GSG1L: variants seen among roughly 807,000 people sequenced by gnomAD.
GSG1L encodes the protein germ cell-specific gene 1-like protein.
In GSG1L, 24 loss-of-function variants were observed where a neutral mutation model predicts 42.1. The observed-to-expected ratio is 0.57, with a 90% CI of 0.41 to 0.80. The LOEUF is 0.80. GSG1L is among the 30% of genes least tolerant of loss of function. GSG1L has a pLI of 0.00. For synonymous variants in GSG1L, 215 were observed against 203.5 expected (o/e 1.06, Z -0.48); for missense variants, 445 against 472.2 (o/e 0.94, Z 0.53).
Position 27,950,331 on chromosome 16 carries a change from C to T in GSG1L, c.397+12825G>A, listed in dbSNP as rs143580064. 2.6e-3 allele frequency among the ~76,000 whole-genome samples: 392 copies of T among 152,250 alleles called. 5 individuals carry two copies. Among genetic ancestry groups the T allele is most frequent in the African/African-American group, 9.3e-3 (386 of 41,540 alleles). On this transcript the variant is annotated intron_variant, in intron 2 of 6. Transcript: ENST00000447459. Reference sequence around the variant, plus strand: ...GATGCTCTGTGGAAGAGTGAGCAGGCAAGACTGCCCAAATACCTAATTACC... The same window carrying T: ...GATGCTCTGTGGAAGAGTGAGCAGGTAAGACTGCCCAAATACCTAATTACC...
At chr16:27,947,382 G>A (rs113812972) in intron 2 of GSG1L, among the ~76,000 whole-genome samples, 17 of 54,052 alleles carry the variant, frequency 3.1e-4, no homozygotes, top group African/African-American at 8.9e-4. Flanking sequence ...AAGAAAGAAA[G>A]AAAAAGAAAG....
At chr16:27,799,208 G>A (rs1421593458) in intron 6 of GSG1L, among the ~76,000 whole-genome samples, 2 of 151,148 alleles carry the variant, frequency 1.3e-5, no homozygotes, top group East Asian at 1.9e-4. Flanking sequence ...GTTCGAGACC[G>A]GCCTGGGCAA....
At chr16:27,897,943 A>G (rs1218007751) in intron 2 of GSG1L, among the ~76,000 whole-genome samples, 2 of 152,222 alleles carry the variant, frequency 1.3e-5, no homozygotes, top group Non-Finnish European at 2.9e-5. Context: ...ACGGCAGCCT[A>G]TGAAGCTGAT....
intron 1 of GSG1L, among the ~76,000 whole-genome samples, chr16:28,058,980 T>C (rs895233486): frequency 7.9e-5 from 12 of 152,088 alleles, no homozygotes; most frequent in Non-Finnish European, 1.6e-4. Flanking sequence ...CAGGATGAAC[T>C]GGGGAGTGGG....
intron 1 of GSG1L, among the ~76,000 whole-genome samples, chr16:27,999,491 T>A (rs1244070694): frequency 6.6e-6 from 1 of 152,198 alleles, no homozygotes; most frequent in African/African-American, 2.4e-5. Context: ...CAAAATACGA[T>A]TTTATGCATC....
chr16:28,008,105 T>C lies in GSG1L; in HGVS notation c.350-44902A>G, dbSNP rs114673771. ...TTGTTTGTTTTTGTTTTTTTAGAGA[T>C]TGAGTCTCTTGTCACCCAGGCTGGA... On this transcript the variant is annotated intron_variant, in intron 1 of 6. Transcript: ENST00000447459. Among the ~76,000 whole-genome samples the C allele has an allele frequency of 3.3e-5, 5 of 151,972 alleles. No homozygotes were observed. The South Asian group carries it at 1.0e-3, about 32-fold the overall frequency.
At chr16:27,907,110 C>G (rs1170457974) in intron 2 of GSG1L, among the ~76,000 whole-genome samples, 1 of 152,200 alleles carries the variant, frequency 6.6e-6, no homozygotes, top group East Asian at 1.9e-4. Context: ...CCAATCAGAG[C>G]TAGACCTGGG....
intron 2 of GSG1L, among the ~76,000 whole-genome samples, chr16:27,892,488 G>T (rs1244598958): frequency 1.3e-5 from 2 of 151,950 alleles, no homozygotes; most frequent in Admixed American, 1.3e-4. Flanking sequence ...CCTTGGCCGG[G>T]CTTGGTGGCT....
intron 2 of GSG1L, among the ~76,000 whole-genome samples, chr16:27,951,893 C>G (rs2084954147): frequency 6.6e-6 from 1 of 152,170 alleles, no homozygotes; most frequent in African/African-American, 2.4e-5. Flanking sequence ...TGAGAAATGA[C>G]TCACGCAAGA....
At chr16:27,961,304 G>A (rs141931170) in intron 2 of GSG1L, among the ~76,000 whole-genome samples, 4 of 152,168 alleles carry the variant, frequency 2.6e-5, no homozygotes, top group African/African-American at 9.7e-5. Flanking sequence ...CACATACACA[G>A]GCCCTGCTTT....
At chr16:27,926,502 G>C (rs12708706) in intron 2 of GSG1L, among the ~76,000 whole-genome samples, 104,523 of 151,326 alleles carry the variant, frequency 0.69, 36,049 homozygotes, top group South Asian at 0.74. Context: ...AATCCTATCT[G>C]TGCTGAAAAA....
chr16:27,895,662 C>T (rs764246550), intron 2 of GSG1L, among the ~76,000 whole-genome samples: 3 of 152,124 alleles, frequency 2.0e-5, no homozygotes, highest in Admixed American at 6.6e-5. Flanking sequence ...CAGCTGTTCC[C>T]GAAAGTTCTC....
intron 3 of GSG1L, among the ~76,000 whole-genome samples, chr16:27,848,191 G>A (rs2083464591): frequency 6.6e-6 from 1 of 152,222 alleles, no homozygotes; most frequent in Non-Finnish European, 1.5e-5. Context: ...GCACATCTGA[G>A]ACTCACTATG....
At chr16:28,055,782 A>C (rs566938572) in intron 1 of GSG1L, among the ~76,000 whole-genome samples, 80 of 152,172 alleles carry the variant, frequency 5.3e-4, no homozygotes, top group Middle Eastern at 6.8e-3. Flanking sequence ...TTCCCCTTTT[A>C]TTCTTATCTG....
At chr16:27,958,993 A>G (rs1001649189) in intron 2 of GSG1L, among the ~76,000 whole-genome samples, 2 of 152,124 alleles carry the variant, frequency 1.3e-5, no homozygotes, top group Non-Finnish European at 2.9e-5. Flanking sequence ...TAAAATTTCT[A>G]TAACAAGTGT....
chr16:27,946,585 G>A (rs1314454296), intron 2 of GSG1L, among the ~76,000 whole-genome samples: 442 of 22,994 alleles, frequency 0.019, 2 homozygotes, highest in Non-Finnish European at 0.023. Context: ...AAGAAAGAGA[G>A]AGAGAGAGAG....
At chr16:28,031,199 A>AC (rs2085958332) in intron 1 of GSG1L, among the ~76,000 whole-genome samples, 1 of 105,420 alleles carries the variant, frequency 9.5e-6, no homozygotes, top group South Asian at 3.4e-4. Context: ...GGATGAAATG[A>AC]TGGGGTGGGA....
rs188323465 is a variant in GSG1L at position 27,994,861 on chromosome 16, T to C, written c.350-31658A>G. Among the ~76,000 whole-genome samples the C allele has an allele frequency of 4.8e-4, 73 of 152,270 alleles. No individual in the cohort carries two copies. The East Asian group carries it at 9.5e-3, about 20-fold the overall frequency. On this transcript the variant is annotated intron_variant, in intron 1 of 6. Transcript: ENST00000447459. ...GCACATAACGGAGCACCATTCACAT[T>C]GTGGTTTACAGGAACAACATTCCCT...
intron 5 of GSG1L, among the ~76,000 whole-genome samples, chr16:27,817,199 C>T (rs1029207463): frequency 2.0e-5 from 3 of 152,182 alleles, no homozygotes; most frequent in Admixed American, 6.5e-5. Flanking sequence ...TAGCCAGGGG[C>T]GTTATCAGGG....
Sources: allele counts gnomAD v4.1 joint callset (sites outside exome capture counted in the v4.1 genomes callset), GRCh38; gene constraint gnomAD v4.1.1; transcripts MANE v1.5; gene names NCBI Gene and HGNC (gene_info 2026-07-23, HGNC 2026-07-21).